The following DPY19L4 variants were observed in gnomAD, a reference collection of about 807,000 sequenced individuals.
DPY19L4 encodes dpy-19 like 4.
Under a neutral mutation model 102.8 loss-of-function variants are expected in DPY19L4, and 97 were observed. The observed-to-expected ratio is 0.94, with a 90% CI of 0.80 to 1.12. The LOEUF is 1.12. DPY19L4 is among the 50% of genes most tolerant of loss of function. DPY19L4 has a pLI of 0.00. For missense variants in DPY19L4, 815 were observed against 850.4 expected (o/e 0.96, Z 0.52); for synonymous variants, 252 against 283.1 (o/e 0.89, Z 1.10).
At chr8:94,767,979 ATGTCT>A (rs1812750577) in intron 11 of DPY19L4, among the ~76,000 whole-genome samples, 2 of 152,134 alleles carry the variant, frequency 1.3e-5, no homozygotes, top group Non-Finnish European at 2.9e-5. Flanking sequence ...TACTTAAAGT[ATGTCT>A]CAATTTGAAT....
chr8:94,785,154 TA>T (rs1277619436), intron 17 of DPY19L4, among the ~76,000 whole-genome samples: 1 of 152,224 alleles, frequency 6.6e-6, no homozygotes, highest in Admixed American at 6.5e-5. Context: ...AGCGAGTTAC[TA>T]AATCTCGAGA....
At chr8:94,738,489 A>G in intron 4 of DPY19L4, 30 bp downstream of exon 4, 5 of 1,368,304 alleles carry the variant, frequency 3.7e-6, no homozygotes, top group Non-Finnish European at 4.9e-6. Context: ...ATTTTTAATA[A>G]CAGTATTTTC....
At chr8:94,750,644 G>C (rs1168625266) in intron 6 of DPY19L4, among the ~76,000 whole-genome samples, 2 of 151,870 alleles carry the variant, frequency 1.3e-5, no homozygotes, top group Non-Finnish European at 2.9e-5. Context: ...TTTTTTAACA[G>C]CTTTATTGAG....
intron 16 of DPY19L4, among the ~76,000 whole-genome samples, chr8:94,781,518 C>G (rs1371942230): frequency 2.6e-5 from 4 of 152,044 alleles, no homozygotes; most frequent in Non-Finnish European, 4.4e-5. Context: ...TTTTGATAAC[C>G]AGGGGTTTTA....
intron 8 of DPY19L4, 50 bp from the exon 9 acceptor site, chr8:94,765,133 G>A: frequency 8.0e-7 from 1 of 1,248,476 alleles, no homozygotes; most frequent in South Asian, 1.5e-5. Context: ...ATGAAAATAT[G>A]TATGATAAAA....
At chr8:94,761,187 C>T (rs952552463) in intron 7 of DPY19L4, among the ~76,000 whole-genome samples, 2 of 152,072 alleles carry the variant, frequency 1.3e-5, no homozygotes, top group Non-Finnish European at 2.9e-5. Context: ...GGTAATAGAG[C>T]CTGAAAGTTT....
At chr8:94,755,417 G>GT (rs1204073054) in intron 6 of DPY19L4, among the ~76,000 whole-genome samples, 1 of 152,122 alleles carries the variant, frequency 6.6e-6, no homozygotes, top group East Asian at 1.9e-4. Context: ...GAAATCTGGG[G>GT]TACTCTGTGC....
At chr8:94,786,987 G>A (rs1392353595) in intron 17 of DPY19L4, among the ~76,000 whole-genome samples, 1 of 152,148 alleles carries the variant, frequency 6.6e-6, no homozygotes, top group Non-Finnish European at 1.5e-5. Context: ...GACATTTTTG[G>A]TTGTCTCAAT....
chr8:94,763,769 G>A (rs964103166), intron 8 of DPY19L4, among the ~76,000 whole-genome samples: 5 of 151,750 alleles, frequency 3.3e-5, no homozygotes, highest in East Asian at 1.9e-4. Context: ...CAAGTGATCC[G>A]CTCTCTTTGG....
intron 1 of DPY19L4, 38 bp downstream of exon 1, chr8:94,720,052 G>T (rs754624782): frequency 1.3e-6 from 2 of 1,524,198 alleles, no homozygotes; most frequent in African/African-American, 2.9e-5. Flanking sequence ...ACGGCTGCCA[G>T]TGGTCTCGGG....
chr8:94,724,645 G>A (rs770573815), intron 1 of DPY19L4, among the ~76,000 whole-genome samples: 21 of 149,150 alleles, frequency 1.4e-4, no homozygotes, highest in Non-Finnish European at 2.5e-4. Context: ...CTAGAGTGCA[G>A]TAGCGCGATC....
At chr8:94,746,402 A>G (rs1811675952) in intron 6 of DPY19L4, among the ~76,000 whole-genome samples, 1 of 152,184 alleles carries the variant, frequency 6.6e-6, no homozygotes, top group South Asian at 2.1e-4. Flanking sequence ...ATAATTTATA[A>G]TAGTAATATA....
At chr8:94,779,928 A>T (rs1250535514) in intron 14 of DPY19L4, among the ~76,000 whole-genome samples, 5 of 152,100 alleles carry the variant, frequency 3.3e-5, no homozygotes, top group Non-Finnish European at 7.4e-5. Flanking sequence ...ATATGTTCTT[A>T]TTTTAACAGA....
chr8:94,748,635 TGAC>T (rs1345571847), intron 6 of DPY19L4, among the ~76,000 whole-genome samples: 2 of 144,872 alleles, frequency 1.4e-5, no homozygotes, highest in African/African-American at 4.9e-5. Context: ...ATGATGATGA[TGAC>T]GATGATGATG....
At chr8:94,779,249 T>C (rs1813323932) in intron 14 of DPY19L4, among the ~76,000 whole-genome samples, 2 of 151,708 alleles carry the variant, frequency 1.3e-5, no homozygotes, top group South Asian at 4.2e-4. Flanking sequence ...TTTAATTGTT[T>C]AAATAACTTA....
intron 6 of DPY19L4, among the ~76,000 whole-genome samples, chr8:94,752,186 C>T (rs1409500993): frequency 6.6e-6 from 1 of 152,076 alleles, no homozygotes; most frequent in Non-Finnish European, 1.5e-5. Context: ...TCCATGTCGT[C>T]TATATTCTTG....
rs1433608044 is a variant in DPY19L4, at chr8:94,756,063, C to T, written c.639C>T (p.Ser213=). 2 of 1,612,652 alleles carry T rather than the reference C, an allele frequency of 1.2e-6. No individual in the cohort carries two copies. The highest frequency in any genetic ancestry group is 1.7e-5 in the Admixed American group (1 of 59,928). ...NRVDTTRIEY[S]IPLRENWALP... ...TAGATACAACAAGAATTGAATACTCCATTCCTTTAAGAGAAAACTGGGCAC... is the reference window on the plus strand; with the variant it reads ...TAGATACAACAAGAATTGAATACTCTATTCCTTTAAGAGAAAACTGGGCAC... Residue 213 remains serine (S), a synonymous_variant, in exon 7 of 19, where the codon TCC becomes TCT. Coordinates refer to ENST00000414645, the MANE Select transcript of DPY19L4 (RefSeq NM_181787.3).
chr8:94,746,681 C>G (rs1377345070), intron 6 of DPY19L4, among the ~76,000 whole-genome samples: 1 of 152,124 alleles, frequency 6.6e-6, no homozygotes, highest in African/African-American at 2.4e-5. Context: ...AAATATAAAA[C>G]ATAAAACTAG....
intron 16 of DPY19L4, among the ~76,000 whole-genome samples, chr8:94,781,844 A>T (rs1207364202): frequency 6.6e-6 from 1 of 152,206 alleles, no homozygotes; most frequent in Non-Finnish European, 1.5e-5. Flanking sequence ...TACTTGGCTA[A>T]TGTAATTTGA....
Sources: allele counts gnomAD v4.1 joint callset (sites outside exome capture counted in the v4.1 genomes callset), GRCh38; gene constraint gnomAD v4.1.1; transcripts MANE v1.5; gene names NCBI Gene and HGNC (gene_info 2026-07-23, HGNC 2026-07-21).